SDK2: variants seen among roughly 807,000 people sequenced by gnomAD.
SDK2 encodes the protein protein sidekick-2.
A neutral mutation model predicts 253.9 loss-of-function variants in SDK2; 105 were observed. That is an observed-to-expected ratio of 0.41 (90% CI 0.35 to 0.49). The LOEUF (loss-of-function observed/expected upper bound fraction) is 0.49, where lower values mean the gene tolerates loss of function less well. Among genes scored for constraint, SDK2 ranks in the 20% least tolerant of loss-of-function variants. The pLI, the probability that SDK2 is intolerant of heterozygous loss-of-function variation, is 0.06. For missense variants in SDK2, 2,608 were observed against 3,003.0 expected (o/e 0.87, Z 3.07); for synonymous variants, 1,249 against 1,234.9 (o/e 1.01, Z -0.24).
intron 2 of SDK2, among the ~76,000 whole-genome samples, chr17:73,480,431 G>A (rs1313436612): frequency 6.6e-6 from 1 of 152,180 alleles, no homozygotes; most frequent in African/African-American, 2.4e-5. Flanking sequence ...CTAGTACACT[G>A]GAGGCCCAGG....
chr17:73,383,791 C>T lies in SDK2; in HGVS notation c.4705+85G>A. 6.4e-7 allele frequency: 1 copy of T among 1,559,312 alleles called. No homozygotes were observed. Among genetic ancestry groups the T allele is most frequent in the Non-Finnish European group, 8.8e-7 (1 of 1,139,652 alleles). The stretch of plus-strand genomic sequence containing the variant: ...GGCAAGGTTTCAGGTTAGAGTGGTT[C>T]CAGGAAGCTGAGAGCTCCAGAGCGG... On this transcript the variant is annotated intron_variant, in intron 33 of 44. Transcript: ENST00000392650. This position sits in a 1 kb window ranked among gnomAD's most constrained non-coding sequence, Gnocchi z 4.3.
intron 44 of SDK2, among the ~76,000 whole-genome samples, chr17:73,344,920 G>T (rs1020530228): frequency 6.6e-6 from 1 of 152,200 alleles, no homozygotes; most frequent in Non-Finnish European, 1.5e-5. Context: ...ACACTTTGAG[G>T]CCCAGCTCAA....
chr17:73,453,253 C>G (rs1410472322), intron 4 of SDK2, among the ~76,000 whole-genome samples: 1 of 152,054 alleles, frequency 6.6e-6, no homozygotes, highest in Non-Finnish European at 1.5e-5. Context: ...CAGTCCCAGA[C>G]AAGTGAGAGA....
intron 1 of SDK2, among the ~76,000 whole-genome samples, chr17:73,553,709 C>G (rs766330259): frequency 5.3e-5 from 8 of 152,192 alleles, no homozygotes; most frequent in African/African-American, 1.4e-4. Flanking sequence ...AACCCCCACC[C>G]TTGTTACAGC....
rs1235384823 is a variant in SDK2 at position 73,511,928 on chromosome 17, GGT to G, written c.65-4333_65-4332del. 6.6e-6 allele frequency among the ~76,000 whole-genome samples: 1 copy of G among 152,072 alleles called. No individual in the cohort carries two copies. On this transcript the variant is annotated intron_variant, in intron 1 of 44. Transcript: ENST00000392650. The surrounding 1 kb of genome is among the most constrained non-coding windows in gnomAD (Gnocchi z 4.9). ...ATGTGTGCAGGTGTGTGTGTGTGCA[GGT>G]GTGTCTGCATGTATGTCCATGTGTG...
At chr17:73,360,434 G>T (rs932128948) in intron 39 of SDK2, among the ~76,000 whole-genome samples, 4 of 152,176 alleles carry the variant, frequency 2.6e-5, no homozygotes, top group Non-Finnish European at 5.9e-5. Flanking sequence ...GCTGAAGGGG[G>T]TGGGCAGAGG....
At chr17:73,595,588 G>A (rs545940510) in intron 1 of SDK2, among the ~76,000 whole-genome samples, 1 of 152,300 alleles carries the variant, frequency 6.6e-6, no homozygotes, top group African/African-American at 2.4e-5. Flanking sequence ...AGGGAGGTAT[G>A]GAGTCACCAG....
chr17:73,620,484 A>G (rs1314216839), intron 1 of SDK2, among the ~76,000 whole-genome samples: 1 of 152,242 alleles, frequency 6.6e-6, no homozygotes, highest in Non-Finnish European at 1.5e-5. Context: ...TCAAAAAGTT[A>G]AACATAGAAT....
intron 32 of SDK2, among the ~76,000 whole-genome samples, chr17:73,385,421 C>T (rs551474609): frequency 1.1e-4 from 17 of 152,310 alleles, no homozygotes; most frequent in South Asian, 2.1e-4. Context: ...ATCCCTTCAC[C>T]GACCAGTGGG....
At position 73,368,439 on chromosome 17, in the gene SDK2, C is replaced by T; in HGVS notation, c.5135G>A (p.Ser1712Asn). The T allele has an allele frequency of 6.3e-7, 1 of 1,594,806 alleles. No individual in the cohort carries two copies. Among genetic ancestry groups the T allele is most frequent in the South Asian group, 1.1e-5 (1 of 87,882 alleles). Residue 1712 changes from serine to asparagine, a missense_variant, in exon 37 of 45, where the codon AGC becomes AAC. By Grantham distance (46) the Ser-to-Asn change is conservative (BLOSUM62 1). Transcript: ENST00000392650. The part of the protein sequence containing the change: ...AFNAAGDGPR[S>N]TPTQGQTQQA... ...CTGGGTCTGGCCTTGGGTGGGGGTG[C>T]TCCGAGGCCCATCCCCAGCGGCGTT...
intron 1 of SDK2, among the ~76,000 whole-genome samples, chr17:73,536,847 G>A (rs1336983977): frequency 2.0e-5 from 3 of 152,284 alleles, no homozygotes; most frequent in Non-Finnish European, 4.4e-5. Context: ...TCCCTACTCC[G>A]CCTTCCTGCT....
intron 1 of SDK2, among the ~76,000 whole-genome samples, chr17:73,585,499 G>A (rs895761540): frequency 1.3e-5 from 2 of 152,138 alleles, no homozygotes; most frequent in East Asian, 3.9e-4. Flanking sequence ...TAGGTGCTGC[G>A]GGTCTGTGGG....
rs537918572 is a variant in SDK2 at position 73,629,489 on chromosome 17, C to T, written c.64+14536G>A. 2.0e-5 allele frequency among the ~76,000 whole-genome samples: 3 copies of T among 152,224 alleles called. No individual in the cohort carries two copies. The highest frequency in any genetic ancestry group is 2.1e-4 in the South Asian group (1 of 4,822). ...ACACTTTGGCCTTAGTGATTAGATA[C>T]GACCAAGGTGCGTATTTGCTGTCTA... On this transcript the variant is annotated intron_variant, in intron 1 of 44. Coordinates refer to ENST00000392650, the MANE Select transcript of SDK2 (RefSeq NM_001144952.2). The surrounding 1 kb of genome is among the most constrained non-coding windows in gnomAD (Gnocchi z 5.0).
intron 2 of SDK2, among the ~76,000 whole-genome samples, chr17:73,493,753 T>C (rs2063823142): frequency 6.6e-6 from 1 of 152,248 alleles, no homozygotes; most frequent in Admixed American, 6.5e-5. Context: ...ATGTTGTGCA[T>C]GGCTGTGTGT....
chr17:73,443,749 G>A lies in SDK2; in HGVS notation c.614-2826C>T, dbSNP rs956555653. Among the ~76,000 whole-genome samples, 6 of 152,158 alleles carry A rather than the reference G, an allele frequency of 3.9e-5. No homozygotes were observed. The highest frequency in any genetic ancestry group is 7.4e-5 in the Non-Finnish European group (5 of 68,022). ...AGACCTGGGCTCAAAGCCTAGCTCT[G>A]CCCCCAGGTATCCTGGTGACTTCAT... On this transcript the variant is annotated intron_variant, in intron 5 of 44. Transcript: ENST00000392650. This position sits in a 1 kb window ranked among gnomAD's most constrained non-coding sequence, Gnocchi z 4.6.
At chr17:73,535,040 A>G (rs560724310) in intron 1 of SDK2, among the ~76,000 whole-genome samples, 2 of 152,226 alleles carry the variant, frequency 1.3e-5, no homozygotes, top group East Asian at 3.9e-4. Context: ...TCTGGAGGAG[A>G]AAGAGTGGAA....
chr17:73,576,888 AT>A (rs1378352356), intron 1 of SDK2, among the ~76,000 whole-genome samples: 1 of 152,174 alleles, frequency 6.6e-6, no homozygotes, highest in African/African-American at 2.4e-5. Flanking sequence ...ATTCTGTGCA[AT>A]TCTGAGAACA....
chr17:73,413,359 T>C (rs1158415881), intron 18 of SDK2, among the ~76,000 whole-genome samples: 1 of 151,940 alleles, frequency 6.6e-6, no homozygotes, highest in Non-Finnish European at 1.5e-5. Context: ...GGATTCTACA[T>C]TGTGGTGAGT....
chr17:73,399,252 G>A lies in SDK2; in HGVS notation c.3009C>T (p.Asn1003=), dbSNP rs1157766753. 3.7e-6 allele frequency: 6 copies of A among 1,613,728 alleles called. No individual in the cohort carries two copies. Among genetic ancestry groups the A allele is most frequent in the Non-Finnish European group, 5.1e-6 (6 of 1,179,776 alleles). Residue 1003 remains asparagine, a synonymous_variant, in exon 22 of 45, where the codon AAC becomes AAT. Transcript: ENST00000392650. ...PGPPTNLGIS[N]IGPRSVTLQF... is the part of the protein sequence containing the mutation. ...GCAAGGTCACAGAGCGGGGGCCGAT[G>A]TTGGAAATGCCCAGGTTGGTGGGGG... is the stretch of plus-strand genomic sequence containing the variant.
Sources: allele counts gnomAD v4.1 joint callset (sites outside exome capture counted in the v4.1 genomes callset), GRCh38; gene constraint gnomAD v4.1.1; non-coding constraint Gnocchi (gnomAD v3.1); transcripts MANE v1.5; gene names NCBI Gene and HGNC (gene_info 2026-07-23, HGNC 2026-07-21).